The following TOX variants were observed in gnomAD, a reference collection of about 807,000 sequenced individuals.
TOX encodes the protein thymocyte selection associated high mobility group box, also known as thymocyte selection-associated high mobility group box protein TOX.
In TOX, 11 loss-of-function variants were observed where a neutral mutation model predicts 53.7. The ratio of observed to expected loss-of-function variants is 0.20; its 90% CI spans 0.13 to 0.34. TOX has a LOEUF of 0.34. TOX is among the 10% of genes least tolerant of loss of function. The pLI is 1.00. For missense variants in TOX, 570 were observed against 664.6 expected (o/e 0.86, Z 1.56); for synonymous variants, 225 against 245.3 (o/e 0.92, Z 0.77).
chr8:58,820,763 AT>A (rs1298938661), intron 6 of TOX, among the ~76,000 whole-genome samples: 1 of 152,162 alleles, frequency 6.6e-6, no homozygotes, highest in African/African-American at 2.4e-5. Flanking sequence ...AGTTTCAAAA[AT>A]TTTTTGAACT....
chr8:58,951,263 A>G lies in TOX; in HGVS notation c.168+8680T>C, dbSNP rs148864611. Among the ~76,000 whole-genome samples the G allele has an allele frequency of 9.0e-4, 137 of 152,282 alleles. 1 individual carries two copies. Among genetic ancestry groups the G allele is most frequent in the African/African-American group, 3.1e-3 (127 of 41,564 alleles). ...TAATCCTCACTGAATTGTTGTAAGG[A>G]TCAAATGAAAAAATAAGTGCATAGA... On this transcript the variant is annotated intron_variant, in intron 2 of 8. Coordinates refer to ENST00000361421, the MANE Select transcript of TOX (RefSeq NM_014729.3).
At chr8:59,013,413 C>CTTTTTTTTTTTTT (rs35734986) in intron 1 of TOX, among the ~76,000 whole-genome samples, 4 of 146,344 alleles carry the variant, frequency 2.7e-5, no homozygotes, top group Non-Finnish European at 4.5e-5. Flanking sequence ...TCAGATAGGC[C>CTTTTTTTTTTTTT]TTTTTTTTTT....
intron 3 of TOX, among the ~76,000 whole-genome samples, chr8:58,915,739 C>T (rs988226092): frequency 1.2e-4 from 18 of 151,752 alleles, no homozygotes; most frequent in African/African-American, 2.2e-4. Flanking sequence ...AGGCTTCAGA[C>T]GATCAAATTA....
intron 1 of TOX, among the ~76,000 whole-genome samples, chr8:59,007,045 G>A (rs1245010090): frequency 6.6e-6 from 1 of 152,152 alleles, no homozygotes; most frequent in Non-Finnish European, 1.5e-5. Flanking sequence ...CAAAATCCTT[G>A]TCTGCAAAGT....
intron 1 of TOX, among the ~76,000 whole-genome samples, chr8:59,113,154 C>T (rs1044809252): frequency 6.6e-6 from 1 of 152,158 alleles, no homozygotes; most frequent in African/African-American, 2.4e-5. Flanking sequence ...AAGTGTAACC[C>T]AACCTAATTT....
chr8:58,998,237 C>T (rs996273742), intron 1 of TOX, among the ~76,000 whole-genome samples: 1 of 151,120 alleles, frequency 6.6e-6, no homozygotes, highest in African/African-American at 2.4e-5. Context: ...GCCTGTAATC[C>T]CAGCACTTTG....
At chr8:59,055,952 C>A (rs932320961) in intron 1 of TOX, among the ~76,000 whole-genome samples, 71 of 151,924 alleles carry the variant, frequency 4.7e-4, no homozygotes, top group African/African-American at 1.7e-3. Context: ...AAATTTTTAC[C>A]CCTTATAAGT....
intron 1 of TOX, among the ~76,000 whole-genome samples, chr8:59,059,314 G>A (rs964524240): frequency 3.3e-5 from 5 of 152,066 alleles, no homozygotes; most frequent in Non-Finnish European, 7.4e-5. Context: ...GGCTACCTTG[G>A]ATGTTCTTCT....
chr8:59,062,157 G>A (rs187209688), intron 1 of TOX, among the ~76,000 whole-genome samples: 2 of 152,282 alleles, frequency 1.3e-5, no homozygotes, highest in Admixed American at 1.3e-4. Context: ...AGGTGGAAAG[G>A]TTGCGAAGCA....
At chr8:58,850,949 T>C (rs1195208912) in intron 4 of TOX, among the ~76,000 whole-genome samples, 1 of 152,114 alleles carries the variant, frequency 6.6e-6, no homozygotes, top group Non-Finnish European at 1.5e-5. Context: ...TTCAGATAAC[T>C]TAAAAGAATG....
At chr8:58,903,329 G>GCCA (rs917898135) in intron 3 of TOX, among the ~76,000 whole-genome samples, 25 of 152,314 alleles carry the variant, frequency 1.6e-4, no homozygotes, top group African/African-American at 5.5e-4. Context: ...TTGATCATAT[G>GCCA]CCATCATTAA....
At chr8:59,091,859 G>T (rs890416896) in intron 1 of TOX, among the ~76,000 whole-genome samples, 1 of 152,096 alleles carries the variant, frequency 6.6e-6, no homozygotes, top group African/African-American at 2.4e-5. Flanking sequence ...CCTTCATCTA[G>T]ATCAATGGTT....
At position 58,808,310 on chromosome 8, in the gene TOX, A is replaced by G. The variant is rs368445206; in HGVS notation, c.1393-41T>C. ...AGTCCGCAAATAAGGATCAAAATGC[A>G]TTTTAAGAAGAAAAGCACCTAAATA... is the stretch of plus-strand genomic sequence containing the variant. On this transcript the variant is annotated intron_variant, in intron 7 of 8. Transcript: ENST00000361421. The G allele has an allele frequency of 5.5e-5, 87 of 1,574,284 alleles. 1 individual carries two copies. The African/African-American group carries it at 9.9e-4, about 18-fold the overall frequency.
At chr8:59,088,264 A>G (rs1184660419) in intron 1 of TOX, among the ~76,000 whole-genome samples, 2 of 152,178 alleles carry the variant, frequency 1.3e-5, no homozygotes, top group Non-Finnish European at 2.9e-5. Flanking sequence ...TTTTTCTTTC[A>G]AAAGTTCATT....
intron 2 of TOX, among the ~76,000 whole-genome samples, chr8:58,959,718 T>C (rs533484944): frequency 4.6e-5 from 7 of 152,354 alleles, no homozygotes; most frequent in African/African-American, 1.7e-4. Flanking sequence ...AACAGCTGCC[T>C]GACGTTCTGG....
At chr8:58,868,985 A>C (rs1333542469) in intron 3 of TOX, among the ~76,000 whole-genome samples, 1 of 152,028 alleles carries the variant, frequency 6.6e-6, no homozygotes, top group Non-Finnish European at 1.5e-5. Context: ...TCAGAAATGA[A>C]AGAGGAGCCA....
chr8:59,047,245 C>A (rs1408365490), intron 1 of TOX, among the ~76,000 whole-genome samples: 1 of 109,118 alleles, frequency 9.2e-6, no homozygotes, highest in Non-Finnish European at 1.7e-5. Flanking sequence ...GAGACGGAGT[C>A]TCGCTCTGTC....
chr8:59,070,328 G>A (rs1196014362), intron 1 of TOX, among the ~76,000 whole-genome samples: 1 of 152,122 alleles, frequency 6.6e-6, no homozygotes, highest in Non-Finnish European at 1.5e-5. Context: ...TCTCAACTAA[G>A]GCTTTAACAA....
At chr8:58,998,534 TATATAA>T (rs1159927333) in intron 1 of TOX, among the ~76,000 whole-genome samples, 10 of 18,344 alleles carry the variant, frequency 5.5e-4, no homozygotes, top group African/African-American at 1.7e-3. Flanking sequence ...TATATATATA[TATATAA>T]ATTTATATAT....
Sources: allele counts gnomAD v4.1 joint callset (sites outside exome capture counted in the v4.1 genomes callset), GRCh38; gene constraint gnomAD v4.1.1; transcripts MANE v1.5; gene names NCBI Gene and HGNC (gene_info 2026-07-23, HGNC 2026-07-21).